CSMD1: variants seen among roughly 807,000 people sequenced by gnomAD.
CSMD1 encodes the protein CUB and Sushi multiple domains 1, also known as CUB and sushi domain-containing protein 1.
In CSMD1, 213 loss-of-function variants were observed where a neutral mutation model predicts 417.5. The ratio of observed to expected loss-of-function variants is 0.51; its 90% confidence interval spans 0.46 to 0.57. The LOEUF is 0.57. Among genes scored for constraint, CSMD1 ranks in the 20% least tolerant of loss-of-function variants. CSMD1 has a pLI of 0.00. For synonymous variants in CSMD1, 2,862 were observed against 1,736.8 expected, an observed-to-expected ratio of 1.65 and a Z score of -16.11; for missense variants, 6,923 against 4,529.7, an observed-to-expected ratio of 1.53 and a Z score of -15.17.
intron 1 of CSMD1, among the ~76,000 whole-genome samples, chr8:4,803,268 A>AT (rs1194907246): frequency 1.3e-5 from 2 of 152,236 alleles, no homozygotes; most frequent in Non-Finnish European, 2.9e-5. Flanking sequence ...GAGAAATGTT[A>AT]TCCAAACAGA....
chr8:3,007,333 C>G (rs1407784042), intron 52 of CSMD1, among the ~76,000 whole-genome samples: 1 of 151,894 alleles, frequency 6.6e-6, no homozygotes, highest in East Asian at 1.9e-4. Context: ...GGACTGTAAA[C>G]TAGTTCAACC....
chr8:3,910,178 C>G (rs1023727652), intron 5 of CSMD1, among the ~76,000 whole-genome samples: 1 of 151,994 alleles, frequency 6.6e-6, no homozygotes, highest in African/African-American at 2.4e-5. Context: ...CATCGGGGGA[C>G]AAGGAATTTT....
intron 5 of CSMD1, among the ~76,000 whole-genome samples, chr8:3,783,095 C>T (rs1361243497): frequency 5.9e-5 from 9 of 152,140 alleles, no homozygotes; most frequent in Admixed American, 3.9e-4. Flanking sequence ...CCGTAACCCC[C>T]AGCCTCCACC....
chr8:4,446,763 GT>G (rs1798830694), intron 2 of CSMD1, among the ~76,000 whole-genome samples: 4 of 76,536 alleles, frequency 5.2e-5, no homozygotes, highest in Non-Finnish European at 9.6e-5. Flanking sequence ...GTCTGTGTGT[GT>G]GTGTGTGTGT....
intron 2 of CSMD1, among the ~76,000 whole-genome samples, chr8:4,508,104 C>CCAAAAAAAAAAAAAAA (rs1563242307): frequency 7.2e-6 from 1 of 138,862 alleles, no homozygotes; most frequent in African/African-American, 2.7e-5. Flanking sequence ...AAAAAAAAAA[C>CCAAAAAAAAAAAAAAA]CCCAAAAAAC....
intron 3 of CSMD1, among the ~76,000 whole-genome samples, chr8:4,206,906 A>C (rs1466181241): frequency 1.3e-5 from 2 of 152,230 alleles, no homozygotes; most frequent in African/African-American, 4.8e-5. Context: ...AATATTTTAT[A>C]ATTTAGAGTT....
In CSMD1 at chr8:3,621,206, C is replaced by T. The variant is rs181459407; in HGVS notation, c.1010-4409G>A. ...AATTTCTGTTGTTTAAGCCACTCGGCGAGTAGCGTAGCACTTTTTTTATGG... is the reference window on the plus strand; with the variant it reads ...AATTTCTGTTGTTTAAGCCACTCGGTGAGTAGCGTAGCACTTTTTTTATGG... On this transcript the variant is annotated intron_variant, in intron 7 of 69. Transcript: ENST00000635120. 4.6e-3 allele frequency among the ~76,000 whole-genome samples: 699 copies of T among 152,256 alleles called. 4 individuals carry two copies. The highest frequency in any genetic ancestry group is 0.016 in the African/African-American group (673 of 41,554).
chr8:3,522,709 G>T (rs919594756), intron 10 of CSMD1, among the ~76,000 whole-genome samples: 2 of 151,946 alleles, frequency 1.3e-5, no homozygotes, highest in Non-Finnish European at 2.9e-5. Flanking sequence ...CATTCACACC[G>T]ATACTGATTC....
chr8:4,207,684 C>T (rs1362982908), intron 3 of CSMD1, among the ~76,000 whole-genome samples: 1 of 152,002 alleles, frequency 6.6e-6, no homozygotes, highest in Non-Finnish European at 1.5e-5. Flanking sequence ...TTCACATGTA[C>T]ATTTCAAAAG....
At chr8:3,778,235 A>G (rs1798998763) in intron 5 of CSMD1, among the ~76,000 whole-genome samples, 1 of 152,142 alleles carries the variant, frequency 6.6e-6, no homozygotes, top group South Asian at 2.1e-4. Context: ...GGAACTGACT[A>G]TTTTCTGCTC....
chr8:4,587,454 T>A (rs1425902439), intron 2 of CSMD1, among the ~76,000 whole-genome samples: 3 of 141,628 alleles, frequency 2.1e-5, no homozygotes, highest in Non-Finnish European at 4.6e-5. Flanking sequence ...TATGTACATA[T>A]ATATGTATAT....
intron 1 of CSMD1, among the ~76,000 whole-genome samples, chr8:4,945,029 G>A (rs74479957): frequency 0.026 from 3,984 of 152,216 alleles, 158 homozygotes; most frequent in East Asian, 0.15. Flanking sequence ...GAATGGATAA[G>A]CAAAAGGTGG....
chr8:4,460,626 A>G (rs2129940448), intron 2 of CSMD1, among the ~76,000 whole-genome samples: 1 of 152,290 alleles, frequency 6.6e-6, no homozygotes, highest in Admixed American at 6.5e-5. Context: ...AAAGGTAGAG[A>G]ATATTACTAT....
chr8:3,585,878 C>G (rs1316594428), intron 9 of CSMD1, among the ~76,000 whole-genome samples: 1 of 152,134 alleles, frequency 6.6e-6, no homozygotes, highest in African/African-American at 2.4e-5. Context: ...TGATAGATAC[C>G]AAGTTATACT....
chr8:4,387,047 G>C (rs780210875), intron 3 of CSMD1, among the ~76,000 whole-genome samples: 10 of 152,138 alleles, frequency 6.6e-5, no homozygotes, highest in Non-Finnish European at 1.5e-4. Flanking sequence ...GGGATATCCA[G>C]ATTAAAAAAC....
chr8:3,884,195 A>G (rs1806397480), intron 5 of CSMD1, among the ~76,000 whole-genome samples: 1 of 152,218 alleles, frequency 6.6e-6, no homozygotes, highest in South Asian at 2.1e-4. Flanking sequence ...CACTTTTTAA[A>G]TAGGTAAGTT....
chr8:4,665,491 G>C (rs1804865183), intron 1 of CSMD1, among the ~76,000 whole-genome samples: 1 of 152,152 alleles, frequency 6.6e-6, no homozygotes. Context: ...ACACTGATAA[G>C]ATCCTCTTGC....
chr8:3,596,887 G>C (rs537360078), intron 8 of CSMD1, among the ~76,000 whole-genome samples: 1 of 152,172 alleles, frequency 6.6e-6, no homozygotes, highest in Admixed American at 6.5e-5. Flanking sequence ...CCCTACAGAA[G>C]TTGGCACAAT....
intron 18 of CSMD1, among the ~76,000 whole-genome samples, chr8:3,375,861 C>T (rs910152185): frequency 1.3e-5 from 2 of 152,142 alleles, no homozygotes; most frequent in Non-Finnish European, 1.5e-5. Context: ...TCCTCCAGAC[C>T]TCTTTTTTTC....
Sources: gnomAD v4.1 joint callset for allele counts (sites outside exome capture counted in the v4.1 genomes callset) on GRCh38, gnomAD v4.1.1 for gene constraint, MANE v1.5 for transcripts, NCBI Gene and HGNC (gene_info 2026-07-23, HGNC 2026-07-21) for gene names.